TENM2: variants seen among roughly 807,000 people sequenced by gnomAD.
The protein encoded by TENM2 is teneurin-2.
A neutral mutation model predicts 245.2 loss-of-function variants in TENM2; 52 were observed. The ratio of observed to expected loss-of-function variants is 0.21; its 90% CI spans 0.17 to 0.27. The LOEUF (loss-of-function observed/expected upper bound fraction) is 0.27, where lower values mean the gene tolerates loss of function less well. TENM2 is among the 10% of genes least tolerant of loss of function. The probability of loss-of-function intolerance (pLI) is 1.00; values close to 1 mark genes in which losing one functional copy is unlikely to be tolerated. For missense variants in TENM2, 3,046 were observed against 3,666.8 expected, an observed-to-expected ratio of 0.83 and a Z score of 4.37; for synonymous variants, 1,363 against 1,438.9, an observed-to-expected ratio of 0.95 and a Z score of 1.19.
chr5:167,224,353 G>C, the TENM2 span, among the ~76,000 whole-genome samples: 1 of 152,016 alleles, frequency 6.6e-6, no homozygotes, highest in East Asian at 1.9e-4. Flanking sequence ...TCTATCTTGA[G>C]TTGATTGCTG....
intron 5 of TENM2, among the ~76,000 whole-genome samples, chr5:168,041,836 C>T (rs1441727697): frequency 2.0e-5 from 3 of 152,204 alleles, no homozygotes; most frequent in Non-Finnish European, 4.4e-5. Flanking sequence ...ATACCTGGCA[C>T]ATGGTCAAAA....
chr5:167,419,360 G>T (rs1763356236), intron 2 of TENM2, among the ~76,000 whole-genome samples: 1 of 152,188 alleles, frequency 6.6e-6, no homozygotes, highest in South Asian at 2.1e-4. Context: ...TACTTGGGAG[G>T]CTGAGGCAGG....
rs181535512 is a variant in TENM2 at position 168,090,502 on chromosome 5, G to C, written c.1516-72G>C. On this transcript the variant is annotated intron_variant, in intron 7 of 28. Transcript: ENST00000518659. ...CTTTCTCCATTAACAAATGGGTTCG[G>C]GGGGAAGGTACCAGGTATGGGACCA... 5.3e-4 allele frequency: 729 copies of C among 1,373,580 alleles called. 2 individuals carry two copies. In the Middle Eastern group the frequency reaches 8.4e-3, roughly 16 times the overall value. The allele number at this position is 1,373,580 out of a possible 1,614,324, so 85.1% of individuals were successfully genotyped here. A position where few individuals can be genotyped will look rare whatever the true frequency, so the allele number is the denominator to read the frequency against.
chr5:167,931,330 A>AT (rs762512344), intron 3 of TENM2, among the ~76,000 whole-genome samples: 105 of 152,282 alleles, frequency 6.9e-4, no homozygotes, highest in Middle Eastern at 3.4e-3. Flanking sequence ...CAGAGATTGA[A>AT]CTGGGGTGAG....
At chr5:167,169,624 C>A in the TENM2 span, among the ~76,000 whole-genome samples, 1 of 152,350 alleles carries the variant, frequency 6.6e-6, no homozygotes, top group African/African-American at 2.4e-5. Context: ...CCATAGTAAG[C>A]ACTCAATAAA....
chr5:167,623,716 T>G (rs1171410551), intron 2 of TENM2, among the ~76,000 whole-genome samples: 1 of 152,224 alleles, frequency 6.6e-6, no homozygotes, highest in Non-Finnish European at 1.5e-5. Context: ...TTTGCACAAC[T>G]GCAAAAGAGA....
At chr5:167,464,966 T>G (rs1582122958) in intron 2 of TENM2, among the ~76,000 whole-genome samples, 1 of 152,232 alleles carries the variant, frequency 6.6e-6, no homozygotes, top group African/African-American at 2.4e-5. Context: ...GGTCCATAAC[T>G]TTTCCAATAA....
At chr5:167,549,722 C>T (rs956569221) in intron 2 of TENM2, among the ~76,000 whole-genome samples, 1 of 152,094 alleles carries the variant, frequency 6.6e-6, no homozygotes, top group Non-Finnish European at 1.5e-5. Context: ...TTTTATCATA[C>T]ACAGTAACTT....
At chr5:167,856,295 A>T (rs1771095231) in intron 2 of TENM2, among the ~76,000 whole-genome samples, 1 of 152,068 alleles carries the variant, frequency 6.6e-6, no homozygotes, top group Non-Finnish European at 1.5e-5. Context: ...CCAAGCAAAC[A>T]TTAATTACTG....
chr5:167,401,657 A>G (rs1014132882), intron 2 of TENM2, among the ~76,000 whole-genome samples: 2 of 152,184 alleles, frequency 1.3e-5, no homozygotes, highest in Non-Finnish European at 2.9e-5. Flanking sequence ...GATGATAAAT[A>G]GGCTTCAGCG....
At chr5:167,331,114 TA>T (rs1470791680) in intron 1 of TENM2, among the ~76,000 whole-genome samples, 2 of 151,442 alleles carry the variant, frequency 1.3e-5, no homozygotes, top group African/African-American at 4.9e-5. Context: ...CACGTGCCTG[TA>T]GTCCCAGCTA....
chr5:167,438,572 AT>A (rs1260041923), intron 2 of TENM2, among the ~76,000 whole-genome samples: 89 of 150,724 alleles, frequency 5.9e-4, no homozygotes, highest in Middle Eastern at 6.8e-3. Flanking sequence ...TTTTCTTTGT[AT>A]TTTTTAGTAG....
the TENM2 span, among the ~76,000 whole-genome samples, chr5:167,167,476 C>T: frequency 1.3e-5 from 2 of 152,158 alleles, no homozygotes; most frequent in Admixed American, 6.5e-5. Flanking sequence ...CAGTTCCCCA[C>T]GTTCCCAAGC....
chr5:167,797,468 G>A (rs930844504), intron 2 of TENM2, among the ~76,000 whole-genome samples: 2 of 152,092 alleles, frequency 1.3e-5, no homozygotes, highest in African/African-American at 2.4e-5. Flanking sequence ...ACCCATTATG[G>A]ACTAATTTGA....
At chr5:167,571,431 A>G (rs1774258449) in intron 2 of TENM2, among the ~76,000 whole-genome samples, 1 of 152,190 alleles carries the variant, frequency 6.6e-6, no homozygotes, top group African/African-American at 2.4e-5. Context: ...TCCCACAGAG[A>G]AATAAGTCAC....
chr5:168,192,389 A>G (rs1163782286), intron 14 of TENM2, among the ~76,000 whole-genome samples: 1 of 152,226 alleles, frequency 6.6e-6, no homozygotes, highest in Non-Finnish European at 1.5e-5. Flanking sequence ...AACTCACCAG[A>G]TCGCCAAAAC....
chr5:167,463,183 A>G (rs1223651863), intron 2 of TENM2, among the ~76,000 whole-genome samples: 1 of 152,172 alleles, frequency 6.6e-6, no homozygotes, highest in Admixed American at 6.5e-5. Context: ...AAAACAGTGA[A>G]CAATAATTCT....
chr5:168,199,768 C>T, intron 16 of TENM2, 96 bp from the exon 19 acceptor site: 2 of 1,340,454 alleles, frequency 1.5e-6, no homozygotes, highest in Non-Finnish European at 2.0e-6. Flanking sequence ...GATGTGATGC[C>T]TCAGTGAGGG....
chr5:167,381,456 T>C (rs1187197117), intron 2 of TENM2, among the ~76,000 whole-genome samples: 1 of 152,178 alleles, frequency 6.6e-6, no homozygotes, highest in Non-Finnish European at 1.5e-5. Context: ...GTTTGAATTG[T>C]TTAATTTGCT....
Sources: allele counts gnomAD v4.1 joint callset (sites outside exome capture counted in the v4.1 genomes callset), GRCh38; gene constraint gnomAD v4.1.1; transcripts MANE v1.5; gene names NCBI Gene and HGNC (gene_info 2026-07-23, HGNC 2026-07-21).